GAREM1: variants seen among roughly 807,000 people sequenced by gnomAD.
GAREM1 encodes the protein GRB2-associated and regulator of MAPK protein 1.
Under a neutral mutation model 71.3 loss-of-function variants are expected in GAREM1, and 26 were observed. The ratio of observed to expected loss-of-function variants is 0.36; its 90% CI spans 0.27 to 0.51. The LOEUF (loss-of-function observed/expected upper bound fraction) is 0.51. Among genes scored for constraint, GAREM1 ranks in the 20% least tolerant of loss-of-function variants. The pLI is 0.95. For synonymous variants in GAREM1, 440 were observed against 433.2 expected (o/e 1.02, Z -0.20); for missense variants, 1,026 against 1,103.1 (o/e 0.93, Z 0.99).
At chr18:32,465,135 C>T (rs2048987383) in intron 1 of GAREM1, among the ~76,000 whole-genome samples, 1 of 152,102 alleles carries the variant, frequency 6.6e-6, no homozygotes, top group Non-Finnish European at 1.5e-5. Context: ...TATCATTCCC[C>T]CCACCCTGGC....
chr18:32,371,092 T>C (rs1460165924), intron 2 of GAREM1, among the ~76,000 whole-genome samples: 1 of 151,608 alleles, frequency 6.6e-6, no homozygotes, highest in Non-Finnish European at 1.5e-5. Flanking sequence ...GCTTCCTAGA[T>C]GACGGGTGAT....
intron 2 of GAREM1, among the ~76,000 whole-genome samples, chr18:32,373,653 G>A (rs929900459): frequency 6.6e-6 from 1 of 152,172 alleles, no homozygotes; most frequent in African/African-American, 2.4e-5. Context: ...CACATGCTCC[G>A]CTCCAGCCGC....
At chr18:32,449,418 G>A (rs184817977) in intron 1 of GAREM1, among the ~76,000 whole-genome samples, 4 of 152,294 alleles carry the variant, frequency 2.6e-5, no homozygotes, top group African/African-American at 9.6e-5. Context: ...TGGGTGCGGG[G>A]GCTCACGCCT....
intron 3 of GAREM1, among the ~76,000 whole-genome samples, chr18:32,290,106 CAT>C (rs957813218): frequency 4.0e-5 from 6 of 151,012 alleles, no homozygotes; most frequent in Non-Finnish European, 5.9e-5. Flanking sequence ...ACTTTTATAT[CAT>C]AAATTAAAAA....
chr18:32,323,468 G>GT (rs2047448474), intron 2 of GAREM1, among the ~76,000 whole-genome samples: 1 of 152,198 alleles, frequency 6.6e-6, no homozygotes, highest in Non-Finnish European at 1.5e-5. Context: ...GCTCACACCT[G>GT]TAATCCCAGC....
At chr18:32,295,130 T>A (rs2047127698) in intron 3 of GAREM1, among the ~76,000 whole-genome samples, 1 of 152,134 alleles carries the variant, frequency 6.6e-6, no homozygotes, top group Non-Finnish European at 1.5e-5. Context: ...AGTGGCATGA[T>A]CTCGGCTCGC....
chr18:32,364,028 G>GTTTTTTTTTTTT (rs1157200391), intron 2 of GAREM1, among the ~76,000 whole-genome samples: 4 of 21,670 alleles, frequency 1.8e-4, no homozygotes, highest in Non-Finnish European at 3.2e-4. Context: ...ATATATATAT[G>GTTTTTTTTTTTT]TTTTTTTTTT....
At chr18:32,399,324 C>A (rs1040545492) in intron 1 of GAREM1, among the ~76,000 whole-genome samples, 2 of 152,014 alleles carry the variant, frequency 1.3e-5, no homozygotes, top group African/African-American at 4.8e-5. Flanking sequence ...CTGGCCAGGG[C>A]AATCAGGCAG....
intron 4 of GAREM1, among the ~76,000 whole-genome samples, chr18:32,273,412 A>C (rs2041491842): frequency 6.6e-6 from 1 of 152,166 alleles, no homozygotes; most frequent in South Asian, 2.1e-4. Flanking sequence ...TTTGACCTAA[A>C]GGAACTCCCG....
rs527488392 is a variant in GAREM1 at position 32,301,957 on chromosome 18, T to C, written c.393+8236A>G. On this transcript the variant is annotated intron_variant, in intron 3 of 5. Coordinates refer to ENST00000269209, the MANE Select transcript of GAREM1 (RefSeq NM_001242409.2). ...CAAATCCTGTGTGTCAGACCATAAA[T>C]GTTTCAGAAATACAAATGACAGAAG... Among the ~76,000 whole-genome samples, 7 of 152,342 alleles carry C rather than the reference T, an allele frequency of 4.6e-5. No homozygotes were observed. In the South Asian group the frequency reaches 1.2e-3, roughly 27 times the overall value.
intron 1 of GAREM1, among the ~76,000 whole-genome samples, chr18:32,434,968 T>A (rs1332638233): frequency 6.6e-6 from 1 of 152,184 alleles, no homozygotes; most frequent in Non-Finnish European, 1.5e-5. Flanking sequence ...TGAGCTATAT[T>A]GACATCACGT....
At chr18:32,373,175 A>C (rs1027776457) in intron 2 of GAREM1, among the ~76,000 whole-genome samples, 1 of 152,066 alleles carries the variant, frequency 6.6e-6, no homozygotes, top group Admixed American at 6.5e-5. Context: ...CTAAATAGTC[A>C]AACAGTCTAG....
At chr18:32,386,769 C>G (rs996432775) in intron 2 of GAREM1, among the ~76,000 whole-genome samples, 3 of 152,166 alleles carry the variant, frequency 2.0e-5, no homozygotes, top group African/African-American at 7.2e-5. Context: ...TTTCTCAAAG[C>G]TGTCTCTTGC....
rs541295192 is a variant in GAREM1 at position 32,365,439 on chromosome 18, A to C, written c.262+27456T>G. Among the ~76,000 whole-genome samples, 7 of 152,360 alleles carry C rather than the reference A, an allele frequency of 4.6e-5. No homozygotes were observed. The South Asian group carries it at 1.4e-3, about 32-fold the overall frequency. The stretch of plus-strand genomic sequence containing the variant: ...CAAATAATCTGTTCACTATGCATAC[A>C]TATCAATGAGATTTCCTATAAATCC... On this transcript the variant is annotated intron_variant, in intron 2 of 5. Transcript: ENST00000269209.
chr18:32,374,491 A>G (rs957412461), intron 2 of GAREM1, among the ~76,000 whole-genome samples: 2 of 152,240 alleles, frequency 1.3e-5, no homozygotes, highest in Non-Finnish European at 2.9e-5. Context: ...GCTAGACCTT[A>G]TGCTAGACCC....
At chr18:32,417,608 T>C (rs2048477444) in intron 1 of GAREM1, among the ~76,000 whole-genome samples, 1 of 152,044 alleles carries the variant, frequency 6.6e-6, no homozygotes, top group Admixed American at 6.6e-5. Flanking sequence ...TTAAGTGAAA[T>C]AAGCCAGGCA....
intron 1 of GAREM1, among the ~76,000 whole-genome samples, chr18:32,446,343 C>T (rs1482106765): frequency 6.6e-6 from 1 of 152,086 alleles, no homozygotes; most frequent in Non-Finnish European, 1.5e-5. Flanking sequence ...ACAGTGTTCA[C>T]TTTGTATTAT....
intron 2 of GAREM1, among the ~76,000 whole-genome samples, chr18:32,331,116 A>G (rs1567967232): frequency 6.6e-6 from 1 of 152,102 alleles, no homozygotes; most frequent in East Asian, 1.9e-4. Context: ...CTTTAATTCT[A>G]TTATATTCTA....
chr18:32,399,278 C>T (rs984970880), intron 1 of GAREM1, among the ~76,000 whole-genome samples: 2 of 152,152 alleles, frequency 1.3e-5, no homozygotes, highest in African/African-American at 4.8e-5. Flanking sequence ...GGGATGCCCT[C>T]TCTCACCACT....
Sources: allele counts gnomAD v4.1 joint callset (sites outside exome capture counted in the v4.1 genomes callset), GRCh38; gene constraint gnomAD v4.1.1; transcripts MANE v1.5; gene names NCBI Gene and HGNC (gene_info 2026-07-23, HGNC 2026-07-21).